BMP1: variants seen among roughly 807,000 people sequenced by gnomAD.
BMP1 encodes mammalian tolloid protein.
BMP1 carries 63 observed loss-of-function variants against 116.8 expected under a neutral mutation model. That is an observed-to-expected ratio of 0.54 (90% confidence interval 0.44 to 0.67). The LOEUF is 0.67. BMP1 is among the 30% of genes least tolerant of loss of function. The probability of loss-of-function intolerance (pLI) is 0.00; values close to 1 mark genes in which losing one functional copy is unlikely to be tolerated. For synonymous variants in BMP1, 536 were observed against 533.4 expected (o/e 1.00, Z -0.07); for missense variants, 1,183 against 1,358.9 (o/e 0.87, Z 2.04).
At chr8:22,189,433 T>TATAC (rs1554483556) in intron 8 of BMP1, among the ~76,000 whole-genome samples, 1 of 141,380 alleles carries the variant, frequency 7.1e-6, no homozygotes, top group Non-Finnish European at 1.5e-5. Context: ...TTGATGGAGA[T>TATAC]ACACACACAC....
chr8:22,186,755 T>G (rs533131187), intron 8 of BMP1, among the ~76,000 whole-genome samples: 1 of 151,798 alleles, frequency 6.6e-6, no homozygotes, highest in South Asian at 2.1e-4. Context: ...TGAGCCCCCA[T>G]GCCTGGCCTG....
rs747515374 is a variant in BMP1 at position 22,176,627 on chromosome 8, T to C, written c.528T>C (p.Ile176=). 9 of 1,614,178 alleles carry C rather than the reference T, an allele frequency of 5.6e-6. No homozygotes were observed. The Admixed American group carries it at 1.5e-4, about 27-fold the overall frequency. Reference sequence around the variant, plus strand: ...AGCGCACTGACGAGGACAGCTATATTGTGTTCACCTATCGACCTTGCGGGT... The same window carrying C: ...AGCGCACTGACGAGGACAGCTATATCGTGTTCACCTATCGACCTTGCGGGT... ...FLERTDEDSY[I]VFTYRPCGCC... Residue 176 remains isoleucine (I), a synonymous_variant, in exon 4 of 20, where the codon ATT becomes ATC. Transcript: ENST00000306385.
Position 22,211,794 on chromosome 8 carries a change from G to C in BMP1, c.*66G>C. 6.2e-7 allele frequency: 1 copy of C among 1,610,044 alleles called. No individual in the cohort carries two copies. The highest frequency in any genetic ancestry group is 8.5e-7 in the Non-Finnish European group (1 of 1,178,266). On this transcript the variant is annotated 3_prime_UTR_variant, in exon 20 of 20. Transcript: ENST00000306385. ...TTGGTCGCCTAGACTGGATAGTGGG[G>C]GTGGGCGGAAGGCAACGCACCATCC...
At position 22,165,391 on chromosome 8, in the gene BMP1, C is replaced by T; in HGVS notation, c.-15C>T. 2 of 1,446,074 alleles carry T rather than the reference C, an allele frequency of 1.4e-6. No individual in the cohort carries two copies. The highest frequency in any genetic ancestry group is 1.8e-6 in the Non-Finnish European group (2 of 1,105,248). The allele number at this position is 1,446,074 out of a possible 1,614,324, so 89.6% of individuals were successfully genotyped here. On this transcript the variant is annotated 5_prime_UTR_variant, in exon 1 of 20. Coordinates refer to ENST00000306385, the MANE Select transcript of BMP1 (RefSeq NM_006129.5). ...GCCTCCAGTGCGCCGCTTCCCTCGC[C>T]GCCGCCCCGCCAGCATGCCCGGCGT...
At chr8:22,175,413 A>T (rs1050350279) in intron 2 of BMP1, among the ~76,000 whole-genome samples, 1 of 152,174 alleles carries the variant, frequency 6.6e-6, no homozygotes, top group Non-Finnish European at 1.5e-5. Context: ...CTCTTTTACG[A>T]TTATTGTCAA....
intron 8 of BMP1, among the ~76,000 whole-genome samples, chr8:22,181,061 T>C (rs1828606513): frequency 6.6e-6 from 1 of 152,242 alleles, no homozygotes; most frequent in African/African-American, 2.4e-5. Flanking sequence ...AGCAGGATGC[T>C]GCCTGGTGGG....
intron 16 of BMP1, among the ~76,000 whole-genome samples, chr8:22,202,665 T>C (rs1206053849): frequency 2.6e-5 from 4 of 152,168 alleles, no homozygotes; most frequent in Non-Finnish European, 5.9e-5. Flanking sequence ...CTGAGCAACA[T>C]AGTGAGACTC....
Position 22,194,435 on chromosome 8 carries a change from G to GTCCCCA in BMP1, c.1298-9_1298-4dup. The GTCCCCA allele has an allele frequency of 6.2e-7, 1 of 1,613,972 alleles. No homozygotes were observed. The highest frequency in any genetic ancestry group is 8.5e-7 in the Non-Finnish European group (1 of 1,179,974). On this transcript the variant is annotated splice_polypyrimidine_tract_variant and intron_variant, in intron 10 of 19. Transcript: ENST00000306385. This position sits in a 1 kb window ranked among gnomAD's most constrained non-coding sequence, Gnocchi z 4.5. ...ACCACCCCTTCCCACCCCATCCTGTGTCCCCACAGCCATCTGCGGGGGTGA... is the reference window on the plus strand; with the variant it reads ...ACCACCCCTTCCCACCCCATCCTGTGTCCCCATCCCCACAGCCATCTGCGGGGGTGA...
At position 22,178,514 on chromosome 8, in the gene BMP1, G is replaced by T. The variant is rs566000492; in HGVS notation, c.836+557G>T. On this transcript the variant is annotated intron_variant, in intron 6 of 19. Transcript: ENST00000306385. Reference sequence around the variant, plus strand: ...TGGTCTCGAACTCCTGGGCTGAAGGGATCCTCCCACCTCGGCCTCCCAAAA... The same window carrying T: ...TGGTCTCGAACTCCTGGGCTGAAGGTATCCTCCCACCTCGGCCTCCCAAAA... Among the ~76,000 whole-genome samples, 3 of 152,198 alleles carry T rather than the reference G, an allele frequency of 2.0e-5. No homozygotes were observed. The East Asian group carries it at 5.8e-4, about 29-fold the overall frequency.
At chr8:22,209,340 C>T (rs1829419627) in intron 18 of BMP1, 105 bp from the exon 19 acceptor site, 13 of 1,522,600 alleles carry the variant, frequency 8.5e-6, no homozygotes. Flanking sequence ...TCGTGGCCTT[C>T]ACCCAGGCCT....
At chr8:22,184,275 T>C (rs2131861930) in intron 8 of BMP1, among the ~76,000 whole-genome samples, 1 of 152,352 alleles carries the variant, frequency 6.6e-6, no homozygotes, top group East Asian at 1.9e-4. Context: ...ATCAGCTTCC[T>C]TCCCTGTTCT....
At chr8:22,167,690 G>C (rs1265671971) in intron 1 of BMP1, among the ~76,000 whole-genome samples, 1 of 152,188 alleles carries the variant, frequency 6.6e-6, no homozygotes, top group Non-Finnish European at 1.5e-5. Flanking sequence ...AGTGAGGCTG[G>C]TGGGGCGCTG....
intron 15 of BMP1, chr8:22,199,235 G>T (rs766528343): frequency 5.1e-6 from 7 of 1,367,562 alleles, no homozygotes; most frequent in Admixed American, 1.9e-5. Flanking sequence ...AGCCCTCAGG[G>T]CCCGGGGCAT....
intron 16 of BMP1, among the ~76,000 whole-genome samples, chr8:22,205,358 G>A (rs535083390): frequency 2.0e-3 from 299 of 152,332 alleles, no homozygotes; most frequent in Non-Finnish European, 3.1e-3. Flanking sequence ...CAGAGCCGGG[G>A]ATGCAGGGCC....
At chr8:22,210,446 CCT>C (rs35296515) in intron 19 of BMP1, among the ~76,000 whole-genome samples, 126 of 135,264 alleles carry the variant, frequency 9.3e-4, no homozygotes, top group South Asian at 1.9e-3. Context: ...TCTCTCTTTC[CCT>C]CTCTCTCTCT....
At chr8:22,188,089 C>T (rs1215679459) in intron 8 of BMP1, among the ~76,000 whole-genome samples, 4 of 151,674 alleles carry the variant, frequency 2.6e-5, no homozygotes, top group Non-Finnish European at 4.4e-5. Context: ...TTCCTATATT[C>T]GGGGTGCACC....
chr8:22,198,112 G>C (rs1314548331), intron 15 of BMP1, among the ~76,000 whole-genome samples: 1 of 152,222 alleles, frequency 6.6e-6, no homozygotes, highest in East Asian at 1.9e-4. Flanking sequence ...TTGAGCCCAG[G>C]AGTTTGAGGC....
In BMP1 at chr8:22,165,422, G is replaced by T; in HGVS notation, c.17G>T (p.Arg6Leu). The change falls in exon 1 of 20, where the codon CGC (arginine) becomes CTC (leucine). Residue 6 changes from arginine (R) to leucine (L), a missense_variant. Transcript: ENST00000306385. The stretch of plus-strand genomic sequence containing the variant: ...CCCGCCAGCATGCCCGGCGTGGCCC[G>T]CCTGCCGCTGCTGCTCGGGCTGCTG... The part of the protein sequence containing the change: MPGVA[R>L]LPLLLGLLLL... The T allele has an allele frequency of 6.5e-7, 1 of 1,540,526 alleles. No individual in the cohort carries two copies. The highest frequency in any genetic ancestry group is 1.2e-5 in the South Asian group (1 of 82,526).
chr8:22,184,281 G>A (rs573386672), intron 8 of BMP1, among the ~76,000 whole-genome samples: 1 of 152,294 alleles, frequency 6.6e-6, no homozygotes, highest in African/African-American at 2.4e-5. Context: ...TTCCTTCCCT[G>A]TTCTTCCTGG....
Sources: allele counts gnomAD v4.1 joint callset (sites outside exome capture counted in the v4.1 genomes callset), GRCh38; gene constraint gnomAD v4.1.1; non-coding constraint Gnocchi (gnomAD v3.1); transcripts MANE v1.5; gene names NCBI Gene and HGNC (gene_info 2026-07-23, HGNC 2026-07-21).